RHOA: variants seen among roughly 807,000 people sequenced by gnomAD.
The protein encoded by RHOA is transforming protein RhoA.
RHOA carries 3 observed loss-of-function variants against 17.5 expected under a neutral mutation model. The ratio of observed to expected loss-of-function variants is 0.17; its 90% CI spans 0.08 to 0.44. The LOEUF (loss-of-function observed/expected upper bound fraction) is 0.44, where lower values mean the gene tolerates loss of function less well. RHOA is among the 20% of genes least tolerant of loss of function. The probability of loss-of-function intolerance (pLI) is 0.99; values close to 1 mark genes in which losing one functional copy is unlikely to be tolerated. For synonymous variants in RHOA, 98 were observed against 88.4 expected (o/e 1.11, Z -0.61); for missense variants, 56 against 242.3 (o/e 0.23, Z 5.10).
intron 2 of RHOA, among the ~76,000 whole-genome samples, chr3:49,374,552 T>G (rs115723489): frequency 0.012 from 1,746 of 149,894 alleles, 31 homozygotes; most frequent in African/African-American, 0.041. Context: ...AATTGCATCT[T>G]TACAAAATAC....
chr3:49,363,578 G>A (rs755592604), intron 3 of RHOA, among the ~76,000 whole-genome samples: 1 of 151,898 alleles, frequency 6.6e-6, no homozygotes, highest in Non-Finnish European at 1.5e-5. Context: ...TCCAGACAGC[G>A]TGGTGGCTCG....
chr3:49,398,814 T>C (rs2048663753), intron 1 of RHOA, among the ~76,000 whole-genome samples: 1 of 113,916 alleles, frequency 8.8e-6, no homozygotes, highest in Non-Finnish European at 1.6e-5. Flanking sequence ...CACTCCAGCC[T>C]GAGCGACACA....
Position 49,396,454 on chromosome 3 carries a change from A to C in RHOA, c.-3+15366T>G, listed in dbSNP as rs539911372. Among the ~76,000 whole-genome samples the C allele has an allele frequency of 2.0e-5, 3 of 152,118 alleles. No individual in the cohort carries two copies. In the South Asian group the frequency reaches 6.2e-4, roughly 32 times the overall value. Reference sequence around the variant, plus strand: ...GTTGGGCGCGGTGGCTCGCACCTGTAATCCCAGTACTTTGGAAGCCAAGGT... The same window carrying C: ...GTTGGGCGCGGTGGCTCGCACCTGTCATCCCAGTACTTTGGAAGCCAAGGT... On this transcript the variant is annotated intron_variant, in intron 1 of 4. Transcript: ENST00000418115.
At chr3:49,375,144 C>T (rs1175241942) in intron 2 of RHOA, among the ~76,000 whole-genome samples, 3 of 151,972 alleles carry the variant, frequency 2.0e-5, no homozygotes, top group African/African-American at 7.3e-5. Flanking sequence ...CCTGTAATCC[C>T]TGCTATTTGG....
intron 1 of RHOA, among the ~76,000 whole-genome samples, chr3:49,376,988 C>T (rs1403231886): frequency 1.3e-5 from 2 of 152,030 alleles, no homozygotes; most frequent in South Asian, 2.1e-4. Context: ...ATTAGCCAGG[C>T]GTGGTGGCAC....
chr3:49,364,346 G>A (rs565172597), intron 3 of RHOA, among the ~76,000 whole-genome samples: 108 of 152,180 alleles, frequency 7.1e-4, no homozygotes, highest in East Asian at 3.9e-3. Context: ...TTAGCTGGGC[G>A]TGGTGGCACA....
chr3:49,364,434 G>A (rs1187545393), intron 3 of RHOA, among the ~76,000 whole-genome samples: 6 of 151,768 alleles, frequency 4.0e-5, no homozygotes, highest in South Asian at 2.1e-4. Flanking sequence ...GCAGTGAGCC[G>A]AGATCGTGCC....
Position 49,405,946 on chromosome 3 carries a change from A to G in RHOA, c.-3+5874T>C, listed in dbSNP as rs552781868. ...GTGACCCACCCACCTCGGCCTCCCA[A>G]AGTGCTGGGATAACTGGCATGAGCC... On this transcript the variant is annotated intron_variant, in intron 1 of 4. Transcript: ENST00000418115. Among the ~76,000 whole-genome samples, 8 of 152,260 alleles carry G rather than the reference A, an allele frequency of 5.3e-5. No homozygotes were observed. The East Asian group carries it at 1.2e-3, about 22-fold the overall frequency.
chr3:49,373,316 C>A, intron 2 of RHOA: 1 of 215,350 alleles, frequency 4.6e-6, no homozygotes. Context: ...TGCACTCCAA[C>A]CTGGGTGATA....
At chr3:49,381,405 CAA>C (rs34190698) in intron 1 of RHOA, among the ~76,000 whole-genome samples, 7 of 132,574 alleles carry the variant, frequency 5.3e-5, no homozygotes, top group Admixed American at 1.5e-4. Context: ...AACCCCGTCT[CAA>C]AAAAAAAAAA....
At chr3:49,369,336 T>C (rs1392492146) in intron 2 of RHOA, among the ~76,000 whole-genome samples, 4 of 151,938 alleles carry the variant, frequency 2.6e-5, no homozygotes, top group Admixed American at 6.6e-5. Context: ...TATTCACTTT[T>C]ATGAGCATCA....
At chr3:49,387,718 G>A (rs1359714973) in intron 1 of RHOA, among the ~76,000 whole-genome samples, 1 of 144,708 alleles carries the variant, frequency 6.9e-6, no homozygotes, top group Non-Finnish European at 1.5e-5. Flanking sequence ...CAGCCCGGGG[G>A]ACAGAGCGAG....
At chr3:49,402,591 T>C (rs893741496) in intron 1 of RHOA, among the ~76,000 whole-genome samples, 3 of 151,994 alleles carry the variant, frequency 2.0e-5, no homozygotes, top group South Asian at 2.1e-4. Context: ...GGAGTATTAC[T>C]TGGGCACAAG....
intron 1 of RHOA, among the ~76,000 whole-genome samples, chr3:49,403,237 C>T (rs57906433): frequency 6.6e-6 from 1 of 152,144 alleles, no homozygotes; most frequent in East Asian, 1.9e-4. Context: ...ACTCAGGAGG[C>T]TGAGGCAGGG....
At chr3:49,408,851 G>GGCGC (rs1473310307) in intron 1 of RHOA, among the ~76,000 whole-genome samples, 1 of 151,048 alleles carries the variant, frequency 6.6e-6, no homozygotes, top group Non-Finnish European at 1.5e-5. Context: ...GGAGCACAGT[G>GGCGC]GCGCGATCTC....
intron 2 of RHOA, 143 bp downstream of exon 2, chr3:49,375,291 G>A (rs2048208297): frequency 1.4e-6 from 1 of 719,242 alleles, no homozygotes; most frequent in Non-Finnish European, 2.2e-6. Flanking sequence ...CTTGGACTAA[G>A]ATGGCAGGAT....
At chr3:49,365,588 CTTTTT>C (rs62741361) in intron 3 of RHOA, among the ~76,000 whole-genome samples, 6 of 124,962 alleles carry the variant, frequency 4.8e-5, no homozygotes, top group Admixed American at 1.8e-4. Flanking sequence ...AATTTTCAAA[CTTTTT>C]TTTTTTTTTT....
intron 3 of RHOA, 64 bp downstream of exon 3, chr3:49,368,364 C>T (rs964418962): frequency 1.5e-5 from 24 of 1,578,552 alleles, no homozygotes; most frequent in Admixed American, 1.1e-4. Flanking sequence ...CACTTGATGC[C>T]CAGAAACCAG....
chr3:49,404,475 G>C (rs1267427660), intron 1 of RHOA, among the ~76,000 whole-genome samples: 2 of 24,340 alleles, frequency 8.2e-5, no homozygotes, highest in African/African-American at 2.2e-4. Context: ...GCCGGGCATG[G>C]TGGCACGCAC....
Sources: allele counts gnomAD v4.1 joint callset (sites outside exome capture counted in the v4.1 genomes callset), GRCh38; gene constraint gnomAD v4.1.1; transcripts MANE v1.5; gene names NCBI Gene and HGNC (gene_info 2026-07-23, HGNC 2026-07-21).